The following KITLG variants were observed in gnomAD, a reference collection of about 807,000 sequenced individuals.
KITLG encodes KIT ligand, also known as c-Kit ligand.
A neutral mutation model predicts 34.1 loss-of-function variants in KITLG; 13 were observed. The observed-to-expected ratio is 0.38, with a 90% CI of 0.25 to 0.61. KITLG has a LOEUF of 0.61. KITLG is among the 20% of genes least tolerant of loss of function. The pLI is 0.60. For missense variants in KITLG, 292 were observed against 318.9 expected (o/e 0.92, Z 0.64); for synonymous variants, 110 against 104.0 (o/e 1.06, Z -0.35).
intron 1 of KITLG, among the ~76,000 whole-genome samples, chr12:88,566,175 T>C (rs1307844103): frequency 6.6e-6 from 1 of 152,238 alleles, no homozygotes; most frequent in African/African-American, 2.4e-5. Context: ...GAACAATGTA[T>C]GTATGTTTAT....
chr12:88,527,690 C>T (rs1869928726), intron 3 of KITLG, among the ~76,000 whole-genome samples: 1 of 152,150 alleles, frequency 6.6e-6, no homozygotes, highest in South Asian at 2.1e-4. Flanking sequence ...TATACATAAA[C>T]AGTTGAACAT....
chr12:88,538,398 ACTC>A (rs568790534), intron 2 of KITLG, among the ~76,000 whole-genome samples: 159 of 151,634 alleles, frequency 1.0e-3, no homozygotes, highest in African/African-American at 3.6e-3. Flanking sequence ...TGGAAGTTCT[ACTC>A]CTTGTCTGTA....
chr12:88,534,877 CAA>C (rs1870251558), intron 2 of KITLG: 2 of 333,684 alleles, frequency 6.0e-6, no homozygotes, highest in Non-Finnish European at 1.2e-5. Context: ...ACCCTAGTGA[CAA>C]AGACAGAGCA....
intron 4 of KITLG, 23 bp downstream of exon 4, chr12:88,518,673 TA>T: frequency 6.3e-7 from 1 of 1,594,946 alleles, no homozygotes; most frequent in Non-Finnish European, 8.6e-7. Context: ...TAATGAAAAA[TA>T]ATCCCAATGA....
chr12:88,510,040 T>A (rs894232533), intron 6 of KITLG, among the ~76,000 whole-genome samples: 1 of 152,212 alleles, frequency 6.6e-6, no homozygotes, highest in Non-Finnish European at 1.5e-5. Flanking sequence ...CCCAAATTCC[T>A]GGGTTATTAC....
intron 3 of KITLG, among the ~76,000 whole-genome samples, chr12:88,522,396 A>G (rs1592844991): frequency 6.7e-6 from 1 of 149,330 alleles, no homozygotes; most frequent in Non-Finnish European, 1.5e-5. Flanking sequence ...AATTTGACAC[A>G]TTATTCCACA....
intron 4 of KITLG, among the ~76,000 whole-genome samples, chr12:88,518,157 T>A (rs1869519939): frequency 6.6e-6 from 1 of 152,124 alleles, no homozygotes; most frequent in Admixed American, 6.6e-5. Flanking sequence ...ACAGAACTCA[T>A]TAGCGACAGA....
intron 3 of KITLG, among the ~76,000 whole-genome samples, chr12:88,523,348 C>A (rs374054841): frequency 1.3e-5 from 2 of 152,130 alleles, no homozygotes; most frequent in Non-Finnish European, 1.5e-5. Flanking sequence ...CACAGAAACG[C>A]GAGAAACCAG....
chr12:88,501,586 C>T (rs1868858519), intron 9 of KITLG, among the ~76,000 whole-genome samples: 2 of 152,114 alleles, frequency 1.3e-5, no homozygotes, highest in Admixed American at 1.3e-4. Context: ...GGTAGAAGGC[C>T]AAATGTAAGG....
At chr12:88,498,857 G>C (rs1239434581) in intron 9 of KITLG, among the ~76,000 whole-genome samples, 3 of 152,154 alleles carry the variant, frequency 2.0e-5, no homozygotes, top group Non-Finnish European at 4.4e-5. Context: ...CTGGGCTACA[G>C]AGCAAGACTC....
chr12:88,516,952 A>C (rs923523129), intron 4 of KITLG, among the ~76,000 whole-genome samples: 1 of 151,946 alleles, frequency 6.6e-6, no homozygotes, highest in African/African-American at 2.4e-5. Flanking sequence ...GAGATAATGT[A>C]AGTTGGTACA....
intron 1 of KITLG, among the ~76,000 whole-genome samples, chr12:88,548,298 A>G (rs1308477250): frequency 6.6e-6 from 1 of 152,072 alleles, no homozygotes; most frequent in Non-Finnish European, 1.5e-5. Flanking sequence ...TACTAAAAAT[A>G]CAAAAATTAG....
chr12:88,553,562 G>C (rs1157907454), intron 1 of KITLG, among the ~76,000 whole-genome samples: 5 of 151,934 alleles, frequency 3.3e-5, no homozygotes, highest in African/African-American at 2.4e-5. Flanking sequence ...CCTCATTTCT[G>C]GATAGTCTTT....
intron 9 of KITLG, among the ~76,000 whole-genome samples, chr12:88,498,734 G>A (rs1032490154): frequency 3.9e-5 from 6 of 152,060 alleles, no homozygotes; most frequent in African/African-American, 1.2e-4. Context: ...AATTAGCTGG[G>A]TGTGTTAGTG....
At chr12:88,506,071 C>G (rs183550144) in intron 8 of KITLG, among the ~76,000 whole-genome samples, 2 of 152,124 alleles carry the variant, frequency 1.3e-5, no homozygotes, top group African/African-American at 4.8e-5. Context: ...GCAGAGGTAA[C>G]CCCTTTACAA....
intron 1 of KITLG, among the ~76,000 whole-genome samples, chr12:88,558,592 T>C (rs942205155): frequency 1.3e-5 from 2 of 152,230 alleles, no homozygotes; most frequent in African/African-American, 4.8e-5. Context: ...AAAATGTTCC[T>C]TCTTTCACTG....
intron 1 of KITLG, among the ~76,000 whole-genome samples, chr12:88,577,555 T>C (rs1412895590): frequency 6.6e-6 from 1 of 152,142 alleles, no homozygotes; most frequent in Non-Finnish European, 1.5e-5. Context: ...TAGTTACACA[T>C]TGAAAGAGAT....
rs532896899 is a variant in KITLG, at chr12:88,574,521, A to G, written c.15+5743T>C. Among the ~76,000 whole-genome samples the G allele has an allele frequency of 2.6e-5, 4 of 152,180 alleles. No homozygotes were observed. The South Asian group carries it at 8.3e-4, about 32-fold the overall frequency. On this transcript the variant is annotated intron_variant, in intron 1 of 9. Coordinates refer to ENST00000644744, the MANE Select transcript of KITLG (RefSeq NM_000899.5). ...CCAGCTGCAGCCTCTCATCTTCACTATCTTCTCAGGATTAACTATCTTGGG... is the reference window on the plus strand; with the variant it reads ...CCAGCTGCAGCCTCTCATCTTCACTGTCTTCTCAGGATTAACTATCTTGGG...
chr12:88,509,177 C>CT (rs1235271823), intron 6 of KITLG, among the ~76,000 whole-genome samples: 2 of 152,114 alleles, frequency 1.3e-5, no homozygotes, highest in Non-Finnish European at 2.9e-5. Flanking sequence ...ATGGAAAACT[C>CT]TAACAAGCTA....
Sources: gnomAD v4.1 joint callset for allele counts (sites outside exome capture counted in the v4.1 genomes callset) on GRCh38, gnomAD v4.1.1 for gene constraint, MANE v1.5 for transcripts, NCBI Gene and HGNC (gene_info 2026-07-23, HGNC 2026-07-21) for gene names.